BMPR2: variants seen among roughly 807,000 people sequenced by gnomAD.
BMPR2 encodes bone morphogenetic protein receptor type-2.
BMPR2 carries 29 observed loss-of-function variants against 100.8 expected under a neutral mutation model. The observed-to-expected ratio is 0.29, with a 90% confidence interval of 0.21 to 0.39. The LOEUF is 0.39. Among genes scored for constraint, BMPR2 ranks in the 10% least tolerant of loss-of-function variants. BMPR2 has a pLI of 1.00. For synonymous variants in BMPR2, 382 were observed against 442.3 expected, an observed-to-expected ratio of 0.86 and a Z score of 1.71; for missense variants, 1,011 against 1,274.5, an observed-to-expected ratio of 0.79 and a Z score of 3.15.
chr2:202,556,464 A>G lies in BMPR2; in HGVS notation c.2799A>G (p.Arg933=). The G allele has an allele frequency of 1.9e-6, 3 of 1,614,242 alleles. No individual in the cohort carries two copies. Among genetic ancestry groups the G allele is most frequent in the Non-Finnish European group, 2.5e-6 (3 of 1,180,046 alleles). ...TAADPGPSKP[R]RAQRPNSLDL... ...CAGATCCTGGGCCATCAAAGCCCAGAAGAGCACAGAGGCCTAATTCTCTGG... is the reference window on the plus strand; with the variant it reads ...CAGATCCTGGGCCATCAAAGCCCAGGAGAGCACAGAGGCCTAATTCTCTGG... Residue 933 remains arginine, a synonymous_variant, in exon 12 of 13, where the codon AGA becomes AGG. Coordinates refer to ENST00000374580, the MANE Select transcript of BMPR2 (RefSeq NM_001204.7).
intron 9 of BMPR2, among the ~76,000 whole-genome samples, chr2:202,541,445 T>C (rs1416251720): frequency 6.6e-6 from 1 of 152,182 alleles, no homozygotes; most frequent in African/African-American, 2.4e-5. Context: ...AAAATTTTTT[T>C]AAAGTATATT....
At chr2:202,432,585 G>T (rs1173707302) in intron 1 of BMPR2, among the ~76,000 whole-genome samples, 1 of 150,568 alleles carries the variant, frequency 6.6e-6, no homozygotes, top group Non-Finnish European at 1.5e-5. Flanking sequence ...AAAACCGTAA[G>T]TTAGCATAAA....
intron 3 of BMPR2, among the ~76,000 whole-genome samples, chr2:202,497,630 T>C (rs986421514): frequency 1.3e-5 from 2 of 152,204 alleles, no homozygotes; most frequent in East Asian, 3.9e-4. Flanking sequence ...CCTGCGGCCA[T>C]GGGCAGAACT....
In BMPR2 at chr2:202,458,327, G is replaced by A. The variant is rs185826998; in HGVS notation, c.77-6482G>A. 2.4e-3 allele frequency among the ~76,000 whole-genome samples: 350 copies of A among 144,500 alleles called. 1 individual carries two copies. The highest frequency in any genetic ancestry group is 7.4e-3 in the African/African-American group (290 of 39,166). 94.8% of individuals were successfully genotyped at this position (144,500 alleles called of 152,430 possible). A position where few individuals can be genotyped will look rare whatever the true frequency, so the allele number is the denominator to read the frequency against. On this transcript the variant is annotated intron_variant, in intron 1 of 12. Transcript: ENST00000374580. ...AAAAAAACGCACACAAAAATTAGCC[G>A]GGCTTGGTGGCATGTGCTTGTGGTC...
In BMPR2 at chr2:202,425,901, A is replaced by G. The variant is rs893385644; in HGVS notation, c.77-38908A>G. ...TGCATTACAAAGTGAAAAAACAGCT[A>G]CAGATTGAGTAAGATATTTGTAACA... On this transcript the variant is annotated intron_variant, in intron 1 of 12. Transcript: ENST00000374580. Among the ~76,000 whole-genome samples the G allele has an allele frequency of 5.9e-5, 9 of 152,222 alleles. No individual in the cohort carries two copies. In the South Asian group the frequency reaches 6.2e-4, roughly 10 times the overall value.
At chr2:202,557,464 A>AATAC (rs1688596514) in intron 12 of BMPR2, among the ~76,000 whole-genome samples, 1 of 125,340 alleles carries the variant, frequency 8.0e-6, no homozygotes, top group South Asian at 2.8e-4. Context: ...CTCTGTCTCA[A>AATAC]ACACACACAC....
chr2:202,420,850 A>G (rs1691248820), intron 1 of BMPR2, among the ~76,000 whole-genome samples: 1 of 151,794 alleles, frequency 6.6e-6, no homozygotes, highest in African/African-American at 2.4e-5. Context: ...CCCAGCCAGG[A>G]TGAGGAGTTT....
intron 1 of BMPR2, among the ~76,000 whole-genome samples, chr2:202,438,853 TAC>T (rs1333698496): frequency 1.3e-5 from 2 of 150,760 alleles, no homozygotes; most frequent in Non-Finnish European, 2.9e-5. Context: ...CACACTGTGC[TAC>T]AGTCTTTATT....
intron 1 of BMPR2, among the ~76,000 whole-genome samples, chr2:202,399,915 C>A (rs2105909687): frequency 6.6e-6 from 1 of 152,188 alleles, no homozygotes; most frequent in South Asian, 2.1e-4. Flanking sequence ...AGTTCCAGAC[C>A]AATCCGGGGA....
chr2:202,468,597 C>A (rs1692371381), intron 3 of BMPR2, among the ~76,000 whole-genome samples: 1 of 152,168 alleles, frequency 6.6e-6, no homozygotes, highest in African/African-American at 2.4e-5. Context: ...GATACATCTT[C>A]AATAGTACGA....
At position 202,556,409 on chromosome 2, in the gene BMPR2, T is replaced by C; in HGVS notation, c.2744T>C (p.Val915Ala). ...NNSNPCSEQDVLAQGVPSTAA... is the reference protein window; with the variant it reads ...NNSNPCSEQDALAQGVPSTAA... The stretch of plus-strand genomic sequence containing the variant: ...AGCAATCCATGTTCAGAACAAGATG[T>C]TCTTGCACAGGGTGTTCCAAGCACA... Residue 915 changes from valine (V) to alanine (A), a missense_variant, in exon 12 of 13, where the codon GTT (valine) becomes GCT (alanine). Physicochemically the swap from Val to Ala is moderately conservative, Grantham distance 64 (BLOSUM62 0). Around this residue, in one of 6 missense-constraint regions of BMPR2, gnomAD observed 508 missense variants for 552.0 expected, o/e 0.92. Coordinates refer to ENST00000374580, the MANE Select transcript of BMPR2 (RefSeq NM_001204.7). 6.2e-7 allele frequency: 1 copy of C among 1,614,140 alleles called. No homozygotes were observed. The highest frequency in any genetic ancestry group is 8.5e-7 in the Non-Finnish European group (1 of 1,180,024).
chr2:202,435,946 A>C (rs1194471070), intron 1 of BMPR2, among the ~76,000 whole-genome samples: 1 of 150,594 alleles, frequency 6.6e-6, no homozygotes, highest in African/African-American at 2.5e-5. Context: ...ACCTAACAAC[A>C]AATTTCTCAG....
chr2:202,422,004 G>A (rs1327625804), intron 1 of BMPR2, among the ~76,000 whole-genome samples: 4 of 152,124 alleles, frequency 2.6e-5, no homozygotes, highest in African/African-American at 9.7e-5. Flanking sequence ...CGCCTGCCAG[G>A]TTCAAGCGGT....
At chr2:202,428,946 C>G (rs1385021616) in intron 1 of BMPR2, among the ~76,000 whole-genome samples, 1 of 152,108 alleles carries the variant, frequency 6.6e-6, no homozygotes, top group East Asian at 1.9e-4. Flanking sequence ...AGGGTTCTTG[C>G]ACCTTGTAAG....
intron 1 of BMPR2, among the ~76,000 whole-genome samples, chr2:202,433,284 T>G (rs1444462266): frequency 2.0e-5 from 3 of 150,448 alleles, no homozygotes; most frequent in Non-Finnish European, 4.4e-5. Flanking sequence ...TAGATAGATA[T>G]ATGTATAGAT....
intron 3 of BMPR2, among the ~76,000 whole-genome samples, chr2:202,469,310 G>C (rs1251979063): frequency 1.3e-5 from 2 of 151,948 alleles, no homozygotes; most frequent in East Asian, 1.9e-4. Flanking sequence ...TTACAGGTGT[G>C]AGCCACCGTA....
chr2:202,553,016 C>T, intron 11 of BMPR2, 128 bp downstream of exon 11: 1 of 1,234,020 alleles, frequency 8.1e-7, no homozygotes, highest in Non-Finnish European at 1.1e-6. Flanking sequence ...CTAAAGTTAT[C>T]ATTTTTCTTT....
intron 7 of BMPR2, 75 bp downstream of exon 7, chr2:202,520,276 CAAAGTA>C: frequency 2.1e-6 from 2 of 957,748 alleles, no homozygotes. Context: ...ATTATATCTT[CAAAGTA>C]AAAGTATAAT....
chr2:202,388,418 A>C (rs995093918), intron 1 of BMPR2, among the ~76,000 whole-genome samples: 2 of 150,586 alleles, frequency 1.3e-5, no homozygotes, highest in African/African-American at 4.9e-5. Flanking sequence ...AAAAAAAAAA[A>C]AACATTGTTT....
Sources: allele counts gnomAD v4.1 joint callset (sites outside exome capture counted in the v4.1 genomes callset), GRCh38; gene constraint gnomAD v4.1.1; regional missense constraint gnomAD v4.1.1; transcripts MANE v1.5; gene names NCBI Gene and HGNC (gene_info 2026-07-23, HGNC 2026-07-21).